Variants in UBE2K observed in about 807,000 individuals in gnomAD.
UBE2K encodes ubiquitin-conjugating enzyme E2 K.
A neutral mutation model predicts 30.0 loss-of-function variants in UBE2K; 6 were observed. The observed-to-expected ratio is 0.20, with a 90% CI of 0.11 to 0.39. UBE2K has a LOEUF of 0.39. Among genes scored for constraint, UBE2K ranks in the 10% least tolerant of loss-of-function variants. The pLI, the probability that UBE2K is intolerant of heterozygous loss-of-function variation, is 1.00. For synonymous variants in UBE2K, 86 were observed against 83.7 expected (o/e 1.03, Z -0.15); for missense variants, 61 against 241.6 (o/e 0.25, Z 4.96).
chr4:39,721,745 C>G (rs1391257643), intron 1 of UBE2K, among the ~76,000 whole-genome samples: 1 of 152,164 alleles, frequency 6.6e-6, no homozygotes, highest in African/African-American at 2.4e-5. Flanking sequence ...TCATGTTGCT[C>G]TCATGAATAT....
chr4:39,752,797 C>T (rs1188935892), intron 3 of UBE2K, among the ~76,000 whole-genome samples: 1 of 152,048 alleles, frequency 6.6e-6, no homozygotes, highest in Admixed American at 6.6e-5. Flanking sequence ...TGAGTGTTTA[C>T]ATGTCACTCA....
At chr4:39,750,455 C>G (rs1721197723) in intron 3 of UBE2K, among the ~76,000 whole-genome samples, 1 of 152,144 alleles carries the variant, frequency 6.6e-6, no homozygotes, top group Non-Finnish European at 1.5e-5. Context: ...ACATAGTGTT[C>G]AGATTTCCGT....
In UBE2K at chr4:39,731,663, T is replaced by A. The variant is rs866168692; in HGVS notation, c.64-5757T>A. On this transcript the variant is annotated intron_variant, in intron 1 of 6. Coordinates refer to ENST00000261427, the MANE Select transcript of UBE2K (RefSeq NM_005339.5). ...ACAGCAAGACTCCATCTCAAAAAAA[T>A]AAAAAAAAAATTTAACTGCCTAGAA... 7.4e-3 allele frequency among the ~76,000 whole-genome samples: 1,112 copies of A among 149,818 alleles called. 14 individuals carry two copies. The highest frequency in any genetic ancestry group is 0.026 in the African/African-American group (1,051 of 40,944).
intron 4 of UBE2K, among the ~76,000 whole-genome samples, chr4:39,759,632 T>G (rs1221143199): frequency 2.0e-5 from 3 of 152,204 alleles, no homozygotes; most frequent in African/African-American, 7.2e-5. Context: ...GAAACTATTT[T>G]CTAATGTTTT....
chr4:39,709,280 G>C (rs1245939802), intron 1 of UBE2K, among the ~76,000 whole-genome samples: 1 of 151,964 alleles, frequency 6.6e-6, no homozygotes, highest in Non-Finnish European at 1.5e-5. Flanking sequence ...TTGTTCAATG[G>C]TTTAGTGATT....
chr4:39,739,326 C>T (rs997024276), intron 2 of UBE2K, among the ~76,000 whole-genome samples: 6 of 151,714 alleles, frequency 4.0e-5, no homozygotes, highest in Non-Finnish European at 7.4e-5. Context: ...CCACCGTGCC[C>T]GGCTACCCAA....
intron 4 of UBE2K, among the ~76,000 whole-genome samples, chr4:39,767,174 TTA>T (rs767279312): frequency 2.0e-5 from 3 of 152,218 alleles, no homozygotes; most frequent in Non-Finnish European, 4.4e-5. Context: ...GTTTTCTCCC[TTA>T]TGTTTTTGCT....
chr4:39,755,661 G>T lies in UBE2K; in HGVS notation c.221G>T (p.Arg74Leu). Residue 74 changes from arginine (R) to leucine (L), a missense_variant, in exon 4 of 7, where the codon CGG becomes CTG. Coordinates refer to ENST00000261427, the MANE Select transcript of UBE2K (RefSeq NM_005339.5). Reference protein sequence around the residue: ...ETYPFNPPKVRFITKIWHPNI... With the variant: ...ETYPFNPPKVLFITKIWHPNI... ...CAAGTGTGCTTTATATTCTAGGTCCGGTTTATCACTAAAATATGGCATCCT... is the reference window on the plus strand; with the variant it reads ...CAAGTGTGCTTTATATTCTAGGTCCTGTTTATCACTAAAATATGGCATCCT... 1.2e-6 allele frequency: 2 copies of T among 1,603,726 alleles called. No individual in the cohort carries two copies. Among genetic ancestry groups the T allele is most frequent in the Non-Finnish European group, 1.7e-6 (2 of 1,175,930 alleles).
rs1720439665 is a variant in UBE2K at position 39,737,437 on chromosome 4, T to C, written c.81T>C (p.Ile27=). ...TTTTTAAGACGAGCAAAAATCAAAT[T>C]AAAGTAGATCTTGTAGATGAGAATT... ...LKSEETSKNQ[I]KVDLVDENFT... Residue 27 remains isoleucine (I), a synonymous_variant, in exon 2 of 7, where the codon ATT becomes ATC. Transcript: ENST00000261427. 1.3e-6 allele frequency: 2 copies of C among 1,561,852 alleles called. No individual in the cohort carries two copies. The highest frequency in any genetic ancestry group is 1.4e-5 in the African/African-American group (1 of 71,736).
chr4:39,708,338 A>G (rs936941930), intron 1 of UBE2K, among the ~76,000 whole-genome samples: 1 of 152,076 alleles, frequency 6.6e-6, no homozygotes, highest in African/African-American at 2.4e-5. Flanking sequence ...ATACTCAAAC[A>G]TAGTTTTAGA....
At chr4:39,743,889 T>G (rs887861955) in intron 2 of UBE2K, among the ~76,000 whole-genome samples, 4 of 152,140 alleles carry the variant, frequency 2.6e-5, no homozygotes, top group African/African-American at 9.7e-5. Context: ...TTGAGATAGA[T>G]TCTTGCTCTG....
chr4:39,725,463 A>C (rs867147014), intron 1 of UBE2K, among the ~76,000 whole-genome samples: 1 of 149,540 alleles, frequency 6.7e-6, no homozygotes, highest in Non-Finnish European at 1.5e-5. Flanking sequence ...GAATCTGTGT[A>C]CCTGGGCTGT....
intron 1 of UBE2K, chr4:39,710,233 T>C (rs1181390305): frequency 2.1e-5 from 3 of 140,354 alleles, no homozygotes; most frequent in African/African-American, 8.1e-5. Flanking sequence ...TTAGAATAAC[T>C]GCCTACAGTT....
At position 39,781,787 on chromosome 4, in the gene UBE2K, CA is replaced by C. The variant is rs1186065529; in HGVS notation, c.*3354del. ...GACTTCTACAAAATGTTGTATTAATCACTTTTTCTAGTTCAAGGAATTTCAA... is the reference window on the plus strand; with the variant it reads ...GACTTCTACAAAATGTTGTATTAATCCTTTTTCTAGTTCAAGGAATTTCAA... On this transcript the variant is annotated 3_prime_UTR_variant, in exon 7 of 7. Transcript: ENST00000261427. 5.1e-6 allele frequency: 2 copies of C among 395,456 alleles called. No homozygotes were observed. The highest frequency in any genetic ancestry group is 8.8e-5 in the Admixed American group (2 of 22,664). 24.5% of individuals were successfully genotyped at this position (395,456 alleles called of 1,614,324 possible).
chr4:39,742,378 G>A (rs1181422399), intron 2 of UBE2K, among the ~76,000 whole-genome samples: 2 of 150,386 alleles, frequency 1.3e-5, no homozygotes, highest in Admixed American at 6.6e-5. Flanking sequence ...TTTCATTATT[G>A]TTATATGTTC....
intron 4 of UBE2K, chr4:39,771,183 A>C (rs1712796403): frequency 3.1e-6 from 5 of 1,612,972 alleles, no homozygotes; most frequent in Admixed American, 1.7e-5. Flanking sequence ...AGCAGGAGAG[A>C]AGCAGGTCGG....
chr4:39,720,456 C>T (rs1023947694), intron 1 of UBE2K, among the ~76,000 whole-genome samples: 1 of 151,800 alleles, frequency 6.6e-6, no homozygotes, highest in Non-Finnish European at 1.5e-5. Context: ...CTGAATGCTA[C>T]CTATGTTAAT....
chr4:39,702,280 GTTT>G (rs1718075399), intron 1 of UBE2K, among the ~76,000 whole-genome samples: 1 of 88,126 alleles, frequency 1.1e-5, no homozygotes, highest in Non-Finnish European at 2.3e-5. Context: ...TTGAGACGGA[GTTT>G]TGCTTTTGTT....
At chr4:39,732,546 T>C (rs1365689696) in intron 1 of UBE2K, among the ~76,000 whole-genome samples, 1 of 146,414 alleles carries the variant, frequency 6.8e-6, no homozygotes, top group Non-Finnish European at 1.5e-5. Flanking sequence ...CTGTTGGTTG[T>C]TGACAATAAT....
Sources: gnomAD v4.1 joint callset for allele counts (sites outside exome capture counted in the v4.1 genomes callset) on GRCh38, gnomAD v4.1.1 for gene constraint, MANE v1.5 for transcripts, NCBI Gene and HGNC (gene_info 2026-07-23, HGNC 2026-07-21) for gene names.